ARHGEF37: variants seen among roughly 807,000 people sequenced by gnomAD.
The protein encoded by ARHGEF37 is Rho guanine nucleotide exchange factor (GEF) 37.
A neutral mutation model predicts 71.1 loss-of-function variants in ARHGEF37; 55 were observed. The ratio of observed to expected loss-of-function variants is 0.77; its 90% CI spans 0.62 to 0.97. The LOEUF (loss-of-function observed/expected upper bound fraction) is 0.97, where lower values mean the gene tolerates loss of function less well. ARHGEF37 is among the 50% of genes least tolerant of loss of function. The probability of loss-of-function intolerance (pLI) is 0.00; values close to 1 mark genes in which losing one functional copy is unlikely to be tolerated. For synonymous variants in ARHGEF37, 327 were observed against 350.6 expected (o/e 0.93, Z 0.75); for missense variants, 765 against 836.8 (o/e 0.91, Z 1.06).
intron 1 of ARHGEF37, among the ~76,000 whole-genome samples, chr5:149,565,829 ATTTTTTTTTTTTTT>A (rs201683478): frequency 1.2e-4 from 10 of 84,578 alleles, no homozygotes; most frequent in Non-Finnish European, 1.6e-4. Flanking sequence ...AGAAACTCTA[ATTTTTTTTTTTTTT>A]TTTTTTTTTT....
chr5:149,628,703 G>T (rs1752775893), intron 11 of ARHGEF37, 106 bp from the exon 12 acceptor site: 1 of 1,402,416 alleles, frequency 7.1e-7, no homozygotes, highest in South Asian at 1.4e-5. Flanking sequence ...GTTCTCTTGG[G>T]TGTTGAGAAG....
chr5:149,560,473 T>G lies in ARHGEF37; in HGVS notation c.-12+8350T>G, dbSNP rs149821764. Among the ~76,000 whole-genome samples, 644 of 152,326 alleles carry G rather than the reference T, an allele frequency of 4.2e-3. 2 individuals carry two copies. Among genetic ancestry groups the G allele is most frequent in the African/African-American group, 0.015 (610 of 41,568 alleles). On this transcript the variant is annotated intron_variant, in intron 1 of 2. Transcript: ENST00000505810. ...AAGAGAAACCAAATTATCCCTTTAGTTGGGTATTTAAGGACAGGTTAAATT... is the reference window on the plus strand; with the variant it reads ...AAGAGAAACCAAATTATCCCTTTAGGTGGGTATTTAAGGACAGGTTAAATT...
At chr5:149,586,730 G>A (rs893424530) in intron 1 of ARHGEF37, among the ~76,000 whole-genome samples, 1 of 152,180 alleles carries the variant, frequency 6.6e-6, no homozygotes, top group Non-Finnish European at 1.5e-5. Context: ...GAGCCCAGAG[G>A]TGGACACTGA....
At chr5:149,631,923 A>G in intron 12 of ARHGEF37, 59 bp from the exon 13 acceptor site, 1 of 1,569,670 alleles carries the variant, frequency 6.4e-7, no homozygotes, top group South Asian at 1.1e-5. Context: ...GCCTCTCTGG[A>G]TCCAGTCTGT....
chr5:149,589,285 A>T (rs894428242), intron 1 of ARHGEF37, among the ~76,000 whole-genome samples: 22 of 151,922 alleles, frequency 1.4e-4, no homozygotes, highest in African/African-American at 5.3e-4. Context: ...ATCATTTTTT[A>T]AAAGTTTTAT....
intron 1 of ARHGEF37, among the ~76,000 whole-genome samples, chr5:149,594,898 A>T: frequency 6.6e-6 from 1 of 152,232 alleles, no homozygotes; most frequent in Non-Finnish European, 1.5e-5. Flanking sequence ...AAAGGAAGGA[A>T]CTATAACTAT....
At chr5:149,629,057 C>T (rs1472654343) in intron 12 of ARHGEF37, 91 bp downstream of exon 12, 25 of 1,443,622 alleles carry the variant, frequency 1.7e-5, no homozygotes, top group Non-Finnish European at 2.3e-5. Context: ...CTATGCCCCT[C>T]CTGTCTGGTG....
chr5:149,609,741 G>C (rs565060260), intron 4 of ARHGEF37, 46 bp downstream of exon 4: 2 of 1,609,262 alleles, frequency 1.2e-6, no homozygotes, highest in South Asian at 2.2e-5. Flanking sequence ...CCACTGACCC[G>C]GTTCAGGAGC....
In ARHGEF37 at chr5:149,609,706, C is replaced by T. The variant is rs780487003; in HGVS notation, c.458+11C>T. 6.8e-6 allele frequency: 11 copies of T among 1,611,966 alleles called. No individual in the cohort carries two copies. The highest frequency in any genetic ancestry group is 1.7e-5 in the Admixed American group (1 of 59,998). On this transcript the variant is annotated intron_variant, in intron 4 of 12. Coordinates refer to ENST00000333677, the MANE Select transcript of ARHGEF37 (RefSeq NM_001001669.3). ...CGTTGAGGCGGTGGTGTGAGTAGAA[C>T]GGCCAGTGAGCACTCGCTCCTACCC...
chr5:149,561,624 AC>A (rs1762832968), intron 1 of ARHGEF37, among the ~76,000 whole-genome samples: 1 of 152,218 alleles, frequency 6.6e-6, no homozygotes, highest in Admixed American at 6.5e-5. Context: ...TAAGGCCAGG[AC>A]TTGAGAAGCA....
intron 2 of ARHGEF37, among the ~76,000 whole-genome samples, chr5:149,599,434 C>CTTATTTATTTATTTATTTAT (rs57745588): frequency 0.25 from 37,527 of 147,730 alleles, 5,537 homozygotes; most frequent in East Asian, 0.61. Context: ...CCAAGGCAAA[C>CTTATTTATTTATTTATTTAT]TTATTTATTT....
chr5:149,578,133 C>G (rs1763046028), upstream of ARHGEF37, among the ~76,000 whole-genome samples: 1 of 152,222 alleles, frequency 6.6e-6, no homozygotes, highest in Non-Finnish European at 1.5e-5. Context: ...GTCTATATTA[C>G]TAATCCAGTT....
At chr5:149,552,296 G>T (rs973350267) in intron 1 of ARHGEF37, among the ~76,000 whole-genome samples, 3 of 148,330 alleles carry the variant, frequency 2.0e-5, no homozygotes, top group Non-Finnish European at 3.0e-5. Flanking sequence ...GAACAGAGTA[G>T]AGGTAACTAT....
At chr5:149,571,233 C>T (rs1420075655) in intron 1 of ARHGEF37, among the ~76,000 whole-genome samples, 1 of 151,946 alleles carries the variant, frequency 6.6e-6, no homozygotes, top group Admixed American at 6.6e-5. Context: ...TGAGCCACCG[C>T]GTCCGGCCAA....
At chr5:149,582,973 G>A (rs993130833) in intron 1 of ARHGEF37, among the ~76,000 whole-genome samples, 2 of 152,078 alleles carry the variant, frequency 1.3e-5, no homozygotes, top group African/African-American at 4.8e-5. Context: ...ACATACCTTC[G>A]TGATGGTATC....
intron 10 of ARHGEF37, 117 bp downstream of exon 10, chr5:149,624,257 A>C: frequency 1.5e-6 from 2 of 1,349,654 alleles, no homozygotes; most frequent in Non-Finnish European, 2.0e-6. Context: ...CCTGTTATCC[A>C]TGGAAATATG....
At chr5:149,558,369 G>A (rs970774734) in intron 1 of ARHGEF37, among the ~76,000 whole-genome samples, 1 of 152,122 alleles carries the variant, frequency 6.6e-6, no homozygotes, top group African/African-American at 2.4e-5. Context: ...AGCTGGGCGT[G>A]GTGGCTTGCG....
intron 1 of ARHGEF37, among the ~76,000 whole-genome samples, chr5:149,558,555 C>T (rs1296762587): frequency 6.6e-6 from 1 of 151,864 alleles, no homozygotes; most frequent in Non-Finnish European, 1.5e-5. Flanking sequence ...GGGATCTCAC[C>T]ATATTGTTCT....
intron 10 of ARHGEF37, 145 bp from the exon 11 acceptor site, chr5:149,626,930 TG>T: frequency 1.4e-6 from 1 of 720,746 alleles, no homozygotes; most frequent in Non-Finnish European, 2.2e-6. Context: ...GTGAGGGCCC[TG>T]TTGCCCTGAT....
Sources: gnomAD v4.1 joint callset for allele counts (sites outside exome capture counted in the v4.1 genomes callset) on GRCh38, gnomAD v4.1.1 for gene constraint, MANE v1.5 for transcripts, NCBI Gene and HGNC (gene_info 2026-07-23, HGNC 2026-07-21) for gene names.